The following RGMA variants were observed in gnomAD, a reference collection of about 807,000 sequenced individuals.
The protein encoded by RGMA is repulsive guidance molecule A.
In RGMA, 10 loss-of-function variants were observed where a neutral mutation model predicts 23.2. That is an observed-to-expected ratio of 0.43 (90% CI 0.27 to 0.73). RGMA has a LOEUF of 0.73. RGMA is among the 30% of genes least tolerant of loss of function. RGMA has a pLI of 0.20. For synonymous variants in RGMA, 308 were observed against 279.3 expected, an observed-to-expected ratio of 1.10 and a Z score of -1.03; for missense variants, 547 against 630.5, an observed-to-expected ratio of 0.87 and a Z score of 1.42.
At chr15:93,053,893 TTTTAA>T (rs1444551640) in intron 2 of RGMA, among the ~76,000 whole-genome samples, 1 of 152,224 alleles carries the variant, frequency 6.6e-6, no homozygotes, top group East Asian at 1.9e-4. Flanking sequence ...ACACTTTGTC[TTTTAA>T]TTTGAGAAGT....
In RGMA at chr15:93,045,126, C is replaced by T; in HGVS notation, c.1225G>A (p.Asp409Asn). The part of the protein sequence containing the change: ...EDVKMLHSNK[D>N]KLHLYERTRD... ...GTCCTCTCATACAGGTGCAGTTTGT[C>T]TTTGTTGGAGTGGAGCATCTTGACA... The change falls in exon 4 of 4, where the codon GAC (aspartate) becomes AAC (asparagine). Residue 409 changes from aspartate to asparagine, a missense_variant. Coordinates refer to ENST00000329082, the MANE Select transcript of RGMA (RefSeq NM_020211.3). The surrounding 1 kb of genome is among the most constrained non-coding windows in gnomAD (Gnocchi z 6.9). 1 of 1,596,574 alleles carries T rather than the reference C, an allele frequency of 6.3e-7. No homozygotes were observed. Among genetic ancestry groups the T allele is most frequent in the Non-Finnish European group, 8.5e-7 (1 of 1,171,594 alleles).
At chr15:93,053,434 T>A (rs899505588) in intron 2 of RGMA, among the ~76,000 whole-genome samples, 1 of 151,604 alleles carries the variant, frequency 6.6e-6, no homozygotes, top group African/African-American at 2.4e-5. Flanking sequence ...AGCTGGGAGG[T>A]CCAGCCTCTG....
Position 93,043,986 on chromosome 15 carries a change from G to T in RGMA, c.*1012C>A, listed in dbSNP as rs1023143955. ...TGTGGCCACAGGGCTTAAGGGAAGA[G>T]ATTAGAGGTTGAAGACCCTGCCAGG... On this transcript the variant is annotated 3_prime_UTR_variant, in exon 4 of 4. Coordinates refer to ENST00000329082, the MANE Select transcript of RGMA (RefSeq NM_020211.3). 1.3e-5 allele frequency: 2 copies of T among 152,390 alleles called. No individual in the cohort carries two copies. The highest frequency in any genetic ancestry group is 4.8e-5 in the African/African-American group (2 of 41,442). The allele number at this position is 152,390 out of a possible 1,614,324, so 9.4% of individuals were successfully genotyped here.
intron 1 of RGMA, among the ~76,000 whole-genome samples, chr15:93,076,439 C>T (rs1895474300): frequency 6.6e-6 from 1 of 152,118 alleles, no homozygotes; most frequent in Non-Finnish European, 1.5e-5. Context: ...GGGCCTGAGT[C>T]ATCAGTCAAC....
intron 2 of RGMA, among the ~76,000 whole-genome samples, chr15:93,057,235 G>A (rs1476859470): frequency 6.6e-6 from 1 of 152,194 alleles, no homozygotes; most frequent in South Asian, 2.1e-4. Context: ...CACGCCCAGG[G>A]AGAGCGCTAT....
In RGMA at chr15:93,083,581, G is replaced by A. The variant is rs1341059875; in HGVS notation, c.14+5338C>T. On this transcript the variant is annotated intron_variant, in intron 1 of 3. Transcript: ENST00000329082. ...TGAGATGAAGCAGTTAGCCAACCTC[G>A]GCCTCCCAAAGTGCTGGAATTATAA... Among the ~76,000 whole-genome samples, 4 of 152,244 alleles carry A rather than the reference G, an allele frequency of 2.6e-5. No individual in the cohort carries two copies. The South Asian group carries it at 6.2e-4, about 24-fold the overall frequency.
intron 1 of RGMA, among the ~76,000 whole-genome samples, chr15:93,075,944 G>A (rs1895466776): frequency 6.6e-6 from 1 of 152,206 alleles, no homozygotes; most frequent in Non-Finnish European, 1.5e-5. Context: ...GAGCAGTATG[G>A]CGTTGTGTTG....
chr15:93,084,992 A>G (rs1895615273), intron 1 of RGMA, among the ~76,000 whole-genome samples: 1 of 152,190 alleles, frequency 6.6e-6, no homozygotes. Flanking sequence ...CATCAAGGAG[A>G]AAATTCTTCA....
rs1305073012 is a variant in RGMA, at chr15:93,045,289, G to A, written c.1062C>T (p.Thr354=). ...AASPAPTAPE[T]FPYETAVAKC... ...TGGCCACGGCTGTCTCGTATGGGAA[G>A]GTCTCGGGGGCTGTGGGTGCAGGGC... Residue 354 remains threonine, a synonymous_variant, in exon 4 of 4, where the codon ACC becomes ACT. Transcript: ENST00000329082. This position sits in a 1 kb window ranked among gnomAD's most constrained non-coding sequence, Gnocchi z 6.9. The A allele has an allele frequency of 2.5e-6, 4 of 1,612,872 alleles. No homozygotes were observed. The highest frequency in any genetic ancestry group is 3.4e-6 in the Non-Finnish European group (4 of 1,179,688).
intron 2 of RGMA, among the ~76,000 whole-genome samples, chr15:93,066,983 G>A (rs757299791): frequency 1.3e-5 from 2 of 152,216 alleles, no homozygotes; most frequent in Non-Finnish European, 2.9e-5. Flanking sequence ...TGATCCTCAC[G>A]GGAATGGCCT....
chr15:93,048,421 G>C (rs1448027613), intron 3 of RGMA, among the ~76,000 whole-genome samples: 1 of 152,192 alleles, frequency 6.6e-6, no homozygotes, highest in African/African-American at 2.4e-5. Context: ...ACCCGGCGCT[G>C]TGCTTTCTGT....
rs534810059 is a variant in RGMA, at chr15:93,066,982, C to T, written c.130+5934G>A. Among the ~76,000 whole-genome samples, 15 of 152,370 alleles carry T rather than the reference C, an allele frequency of 9.8e-5. No individual in the cohort carries two copies. In the South Asian group the frequency reaches 2.1e-3, roughly 21 times the overall value. ...AGTGAAATGGGAATGATGATCCTCA[C>T]GGGAATGGCCTTAAGGCATTTGGCA... On this transcript the variant is annotated intron_variant, in intron 2 of 3. Transcript: ENST00000329082.
intron 2 of RGMA, among the ~76,000 whole-genome samples, chr15:93,053,713 C>T (rs1003348036): frequency 9.2e-5 from 14 of 152,298 alleles, no homozygotes; most frequent in African/African-American, 2.6e-4. Context: ...TGATCTCTCC[C>T]GCCTCTGCAG....
At chr15:93,071,346 G>GA (rs1216589359) in intron 2 of RGMA, among the ~76,000 whole-genome samples, 1 of 152,248 alleles carries the variant, frequency 6.6e-6, no homozygotes, top group Non-Finnish European at 1.5e-5. Context: ...AGTAGGTGGA[G>GA]AAACTGCCTT....
At chr15:93,061,348 G>A (rs1447044255) in intron 2 of RGMA, among the ~76,000 whole-genome samples, 22 of 152,134 alleles carry the variant, frequency 1.4e-4, no homozygotes, top group Non-Finnish European at 7.3e-5. Flanking sequence ...ATGGGGTTTC[G>A]ATGTTGCCCA....
At chr15:93,080,898 C>CT (rs1319039600) in intron 1 of RGMA, among the ~76,000 whole-genome samples, 1 of 152,026 alleles carries the variant, frequency 6.6e-6, no homozygotes, top group Non-Finnish European at 1.5e-5. Context: ...TGAAAGTCTC[C>CT]CCCCGACCAC....
chr15:93,053,821 C>A (rs1318519218), intron 2 of RGMA, among the ~76,000 whole-genome samples: 1 of 152,228 alleles, frequency 6.6e-6, no homozygotes. Flanking sequence ...GGGCTCCCCC[C>A]TTCACGTGAC....
intron 1 of RGMA, 95 bp from the exon 2 acceptor site, chr15:93,073,126 T>C: frequency 7.7e-7 from 1 of 1,295,834 alleles, no homozygotes; most frequent in Non-Finnish European, 9.8e-7. Context: ...GCCGGGAGGC[T>C]CCGTCCACCT....
At chr15:93,046,411 C>G (rs75979814) in intron 3 of RGMA, among the ~76,000 whole-genome samples, 3 of 152,118 alleles carry the variant, frequency 2.0e-5, no homozygotes, top group Non-Finnish European at 2.9e-5. Flanking sequence ...TTTATCCCCA[C>G]GAGACATATT....
Sources: allele counts gnomAD v4.1 joint callset (sites outside exome capture counted in the v4.1 genomes callset), GRCh38; gene constraint gnomAD v4.1.1; non-coding constraint Gnocchi (gnomAD v3.1); transcripts MANE v1.5; gene names NCBI Gene and HGNC (gene_info 2026-07-23, HGNC 2026-07-21).